The following RPS16 variants were observed in gnomAD, a reference collection of about 807,000 sequenced individuals.
RPS16 encodes ribosomal protein S16.
In RPS16, 2 loss-of-function variants were observed where a neutral mutation model predicts 20.1. That is an observed-to-expected ratio of 0.10 (90% CI 0.04 to 0.31). The LOEUF (loss-of-function observed/expected upper bound fraction) is 0.31, where lower values mean the gene tolerates loss of function less well. Among genes scored for constraint, RPS16 ranks in the 10% least tolerant of loss-of-function variants. The pLI is 1.00. For synonymous variants in RPS16, 95 were observed against 76.1 expected, an observed-to-expected ratio of 1.25 and a Z score of -1.29; for missense variants, 129 against 198.6, an observed-to-expected ratio of 0.65 and a Z score of 2.11.
intron 1 of RPS16, 53 bp from the exon 2 acceptor site, chr19:39,435,761 T>A: frequency 6.2e-7 from 1 of 1,606,658 alleles, no homozygotes; most frequent in Non-Finnish European, 8.5e-7. Flanking sequence ...CCAGCTCCCA[T>A]GTTACCCCCT....
chr19:39,434,946 G>A (rs1464220050), intron 2 of RPS16: 4 of 152,226 alleles, frequency 2.6e-5, no homozygotes, highest in Admixed American at 2.6e-4. Context: ...CTGAGCCAAA[G>A]AAATTGAGAG....
At chr19:39,435,806 C>T (rs753731583) in intron 1 of RPS16, 42 bp downstream of exon 1, 6 of 1,609,214 alleles carry the variant, frequency 3.7e-6, no homozygotes, top group Admixed American at 1.7e-5. Context: ...CAGACCCTGG[C>T]CTTCTCCTTC....
At chr19:39,434,487 A>G (rs1168081788) in intron 2 of RPS16, 1 of 152,378 alleles carries the variant, frequency 6.6e-6, no homozygotes, top group Non-Finnish European at 1.5e-5. Flanking sequence ...AAATACAGTG[A>G]CAGCCAATAA....
chr19:39,433,779 G>T lies in RPS16; in HGVS notation c.151-18C>A. The T allele has an allele frequency of 6.2e-7, 1 of 1,612,400 alleles. No homozygotes were observed. The highest frequency in any genetic ancestry group is 1.1e-5 in the South Asian group (1 of 90,870). The stretch of plus-strand genomic sequence containing the variant: ...TCCAGCAGCTAAAGGAATGGGGAAT[G>T]AACAGGGATTTAAGTTACATGCTGG... On this transcript the variant is annotated intron_variant, in intron 2 of 4. Coordinates refer to ENST00000251453, the MANE Select transcript of RPS16 (RefSeq NM_001020.6).
chr19:39,435,480 G>C, intron 2 of RPS16, 127 bp downstream of exon 2: 1 of 717,308 alleles, frequency 1.4e-6, no homozygotes, highest in Non-Finnish European at 2.3e-6. Context: ...ATACCCCACT[G>C]TTCTACACCC....
Position 39,433,335 on chromosome 19 carries a change from A to G in RPS16, c.379T>C (p.Cys127Arg). The change falls in exon 5 of 5, where the codon TGC (cysteine) becomes CGC (arginine). Residue 127 changes from cysteine (C) to arginine (R), a missense_variant. This residue lies in a region of RPS16 where 12 missense variants were observed against 47.2 expected (regional missense o/e 0.25). Coordinates refer to ENST00000251453, the MANE Select transcript of RPS16 (RefSeq NM_001020.6). ...RTLLVADPRR[C>R]ESKKFGGPGA... is the part of the protein sequence containing the mutation. ...GGGCCTCCAAACTTTTTGGACTCGC[A>G]GCGACGAGGGTCAGCTACCAGCAGG... The G allele has an allele frequency of 1.2e-6, 2 of 1,614,024 alleles. No homozygotes were observed. Among genetic ancestry groups the G allele is most frequent in the East Asian group, 4.5e-5 (2 of 44,882 alleles).
In RPS16 at chr19:39,435,891, G is replaced by A. The variant is rs144170206; in HGVS notation, c.5C>T (p.Pro2Leu). ...CACAGACTGCAGCGGGCCCTTGGAC[G>A]GCATGGCTCCGAGCGTGGACTAGAC... M[P>L]SKGPLQSVQV... Residue 2 changes from proline to leucine, a missense_variant, in exon 1 of 5, where the codon CCG becomes CTG. Physicochemically the swap from Pro to Leu is moderately conservative, Grantham distance 98. Around this residue, in one of 2 missense-constraint regions of RPS16, gnomAD observed 117 missense variants for 151.4 expected, o/e 0.77. Coordinates refer to ENST00000251453, the MANE Select transcript of RPS16 (RefSeq NM_001020.6). 33 of 1,605,846 alleles carry A rather than the reference G, an allele frequency of 2.1e-5. No homozygotes were observed. Among genetic ancestry groups the A allele is most frequent in the African/African-American group, 2.7e-5 (2 of 74,928 alleles).
intron 4 of RPS16, 49 bp downstream of exon 4, chr19:39,433,473 G>A: frequency 6.2e-7 from 1 of 1,612,810 alleles, no homozygotes; most frequent in South Asian, 1.1e-5. Context: ...TCCTTGACTT[G>A]ATCCCCACAC....
intron 2 of RPS16, chr19:39,434,389 T>G (rs2078848033): frequency 6.4e-6 from 1 of 155,838 alleles, no homozygotes; most frequent in African/African-American, 2.4e-5. Flanking sequence ...CCAACTAGGC[T>G]GGCAGGTCCA....
At chr19:39,433,619 C>T (rs1327895927) in intron 3 of RPS16, 46 bp downstream of exon 3, 2 of 1,614,086 alleles carry the variant, frequency 1.2e-6, no homozygotes, top group Non-Finnish European at 1.7e-6. Context: ...GTGAAGGCCT[C>T]CCTCCCAGAG....
intron 1 of RPS16, 33 bp downstream of exon 1, chr19:39,435,815 T>C (rs1005772489): frequency 6.2e-7 from 1 of 1,609,666 alleles, no homozygotes; most frequent in African/African-American, 1.3e-5. Context: ...GCCTTCTCCT[T>C]CCCCTCCCCT....
Position 39,433,257 on chromosome 19 carries a change from T to C in RPS16, c.*16A>G. On this transcript the variant is annotated 3_prime_UTR_variant, in exon 5 of 5. Transcript: ENST00000251453. Reference sequence around the variant, plus strand: ...AAACTGTTTATTATACAAGTGAGTTTTGAGTCACGATGGGCTTATCGGTAG... The same window carrying C: ...AAACTGTTTATTATACAAGTGAGTTCTGAGTCACGATGGGCTTATCGGTAG... The C allele has an allele frequency of 6.2e-7, 1 of 1,612,054 alleles. No homozygotes were observed. The highest frequency in any genetic ancestry group is 8.5e-7 in the Non-Finnish European group (1 of 1,179,802).
chr19:39,434,805 T>C (rs2078850727), intron 2 of RPS16: 1 of 152,234 alleles, frequency 6.6e-6, no homozygotes, highest in African/African-American at 2.4e-5. Context: ...GACAGCAAGA[T>C]ACTGTTTTTA....
At chr19:39,435,236 T>A in intron 2 of RPS16, 1 of 206,840 alleles carries the variant, frequency 4.8e-6, no homozygotes, top group Non-Finnish European at 9.9e-6. Flanking sequence ...GAGGCGAAGG[T>A]TGCAGTGATC....
intron 2 of RPS16, 25 bp downstream of exon 2, chr19:39,435,582 C>CA (rs772871333): frequency 5.6e-6 from 9 of 1,599,400 alleles, no homozygotes; most frequent in Non-Finnish European, 7.7e-6. Flanking sequence ...TCCATCCACT[C>CA]AACGCCGGTG....
chr19:39,433,718 C>G lies in RPS16; in HGVS notation c.194G>C (p.Gly65Ala), dbSNP rs750967439. The G allele has an allele frequency of 6.2e-7, 1 of 1,614,180 alleles. No homozygotes were observed. Among genetic ancestry groups the G allele is most frequent in the South Asian group, 1.1e-5 (1 of 91,076 alleles). The change falls in exon 3 of 5, where the codon GGT becomes GCT. Residue 65 changes from glycine (G) to alanine (A), a missense_variant. This residue lies in a region of RPS16 where 117 missense variants were observed against 151.4 expected (regional missense o/e 0.77). Transcript: ENST00000251453. ...CTTTACACGGACACGGATGTCTACA[C>G]CAGCAAATCGCTCCTTGCCGAGAAG... ...VLLLGKERFA[G>A]VDIRVRVKGG...
At chr19:39,433,599 C>T in intron 3 of RPS16, 30 bp from the exon 4 acceptor site, 1 of 1,614,196 alleles carries the variant, frequency 6.2e-7, no homozygotes, top group East Asian at 2.2e-5. Context: ...TTAAAGGGTA[C>T]AGGAGCGCTG....
chr19:39,435,718 A>G lies in RPS16; in HGVS notation c.49-10T>C. ...CAGCTGTCGCTGTCTTCTGTAAGATACAAGAGAAACAGGGGCCCCGTGAGC... is the reference window on the plus strand; with the variant it reads ...CAGCTGTCGCTGTCTTCTGTAAGATGCAAGAGAAACAGGGGCCCCGTGAGC... On this transcript the variant is annotated splice_polypyrimidine_tract_variant and intron_variant, in intron 1 of 4. Coordinates refer to ENST00000251453, the MANE Select transcript of RPS16 (RefSeq NM_001020.6). 1 of 1,612,972 alleles carries G rather than the reference A, an allele frequency of 6.2e-7. No homozygotes were observed. Among genetic ancestry groups the G allele is most frequent in the Non-Finnish European group, 8.5e-7 (1 of 1,179,798 alleles).
chr19:39,434,658 A>C (rs972542605), intron 2 of RPS16: 1 of 152,160 alleles, frequency 6.6e-6, no homozygotes, highest in African/African-American at 2.4e-5. Context: ...GTCTACAGAA[A>C]AATATTTCTC....
Sources: allele counts gnomAD v4.1 joint callset, GRCh38; gene constraint gnomAD v4.1.1; regional missense constraint gnomAD v4.1.1; transcripts MANE v1.5; gene names NCBI Gene and HGNC (gene_info 2026-07-23, HGNC 2026-07-21).